The following CNTNAP5 variants were observed in gnomAD, a reference collection of about 807,000 sequenced individuals.
CNTNAP5 encodes contactin-associated protein-like 5.
A neutral mutation model predicts 150.2 loss-of-function variants in CNTNAP5; 72 were observed. The ratio of observed to expected loss-of-function variants is 0.48; its 90% CI spans 0.40 to 0.58. CNTNAP5 has a LOEUF of 0.58. Ranked by LOEUF, CNTNAP5 falls within the 20% of genes least tolerant of loss-of-function variation. The pLI, the probability that CNTNAP5 is intolerant of heterozygous loss-of-function variation, is 0.00. For missense variants in CNTNAP5, 1,636 were observed against 1,626.2 expected, an observed-to-expected ratio of 1.01 and a Z score of -0.10; for synonymous variants, 672 against 619.8, an observed-to-expected ratio of 1.08 and a Z score of -1.25.
chr2:124,033,570 A>G (rs1455861992), intron 1 of CNTNAP5, among the ~76,000 whole-genome samples: 2 of 152,204 alleles, frequency 1.3e-5, no homozygotes, highest in African/African-American at 4.8e-5. Context: ...GATGTACGAT[A>G]AAAGGGTAAG....
At chr2:124,509,275 A>C (rs1373437936) in intron 8 of CNTNAP5, among the ~76,000 whole-genome samples, 2 of 152,240 alleles carry the variant, frequency 1.3e-5, no homozygotes, top group African/African-American at 2.4e-5. Context: ...AATAGAAGGC[A>C]TCTGAATTTA....
chr2:124,532,754 T>A (rs1253424343), intron 10 of CNTNAP5, among the ~76,000 whole-genome samples: 1 of 152,112 alleles, frequency 6.6e-6, no homozygotes, highest in Non-Finnish European at 1.5e-5. Context: ...TTTTGCAAAA[T>A]CAGGATCACA....
intron 12 of CNTNAP5, among the ~76,000 whole-genome samples, chr2:124,644,293 C>A (rs945313486): frequency 6.6e-6 from 1 of 152,192 alleles, no homozygotes. Context: ...CTTTCAGTGG[C>A]ATTAACACCT....
At chr2:124,742,796 GACA>G (rs1313980744) in intron 13 of CNTNAP5, among the ~76,000 whole-genome samples, 1 of 152,014 alleles carries the variant, frequency 6.6e-6, no homozygotes, top group African/African-American at 2.4e-5. Flanking sequence ...AGAGGACCTT[GACA>G]ACTCCCTAAG....
At chr2:124,426,578 G>C (rs577913727) in intron 4 of CNTNAP5, among the ~76,000 whole-genome samples, 1 of 152,208 alleles carries the variant, frequency 6.6e-6, no homozygotes, top group African/African-American at 2.4e-5. Context: ...AGGGTGAATC[G>C]ATAGCTTCTC....
At chr2:124,684,768 A>G (rs1164534279) in intron 13 of CNTNAP5, among the ~76,000 whole-genome samples, 1 of 152,216 alleles carries the variant, frequency 6.6e-6, no homozygotes, top group Non-Finnish European at 1.5e-5. Context: ...GGAGATCTAC[A>G]TATAGCATGC....
intron 22 of CNTNAP5, among the ~76,000 whole-genome samples, chr2:124,904,061 AAAAC>A (rs1242751022): frequency 4.1e-5 from 6 of 146,896 alleles, no homozygotes; most frequent in African/African-American, 1.1e-4. Flanking sequence ...TTCAAAAAAA[AAAAC>A]AAAAAAAAAA....
intron 1 of CNTNAP5, among the ~76,000 whole-genome samples, chr2:124,173,049 G>C (rs910681925): frequency 1.3e-5 from 2 of 151,942 alleles, no homozygotes; most frequent in Admixed American, 1.3e-4. Flanking sequence ...AACTGTTATG[G>C]TGACCTGTGA....
intron 3 of CNTNAP5, among the ~76,000 whole-genome samples, chr2:124,403,852 C>A (rs373447120): frequency 1.3e-4 from 20 of 152,248 alleles, no homozygotes; most frequent in African/African-American, 4.6e-4. Context: ...CTAAGAAGGA[C>A]CAAACGCACG....
At chr2:124,686,306 C>T (rs1205136853) in intron 13 of CNTNAP5, among the ~76,000 whole-genome samples, 1 of 152,002 alleles carries the variant, frequency 6.6e-6, no homozygotes, top group Non-Finnish European at 1.5e-5. Flanking sequence ...GTAAAGAAGG[C>T]AGCATGATCT....
rs10179032 is a variant in CNTNAP5, at chr2:124,609,541, G to A, written c.1757-260G>A. Among the ~76,000 whole-genome samples, 252 of 152,146 alleles carry A rather than the reference G, an allele frequency of 1.7e-3. 1 individual carries two copies. The highest frequency in any genetic ancestry group is 5.9e-3 in the African/African-American group (243 of 41,496). The stretch of plus-strand genomic sequence containing the variant: ...TGGGAGTTTGAGGCTGCAATGTGCC[G>A]TGAGCCGTGATCGTGCTACTGCAGT... On this transcript the variant is annotated intron_variant, in intron 11 of 23. Transcript: ENST00000682447.
rs572749381 is a variant in CNTNAP5 at position 124,543,359 on chromosome 2, T to C, written c.1649+15903T>C. Among the ~76,000 whole-genome samples, 15 of 152,062 alleles carry C rather than the reference T, an allele frequency of 9.9e-5. No individual in the cohort carries two copies. The South Asian group carries it at 2.9e-3, about 29-fold the overall frequency. ...GTAATAGAAGGCAGCTCCAGAGAAA[T>C]AGACAAAATGTCTTTGGTGATTGTT... is the stretch of plus-strand genomic sequence containing the variant. On this transcript the variant is annotated intron_variant, in intron 10 of 23. Transcript: ENST00000682447.
At chr2:124,416,489 T>G (rs919220787) in intron 3 of CNTNAP5, among the ~76,000 whole-genome samples, 2 of 152,190 alleles carry the variant, frequency 1.3e-5, no homozygotes, top group African/African-American at 4.8e-5. Context: ...CTGTGTATTC[T>G]TTTGCTTAAA....
intron 1 of CNTNAP5, among the ~76,000 whole-genome samples, chr2:124,110,093 A>G (rs1356614578): frequency 2.0e-5 from 3 of 152,160 alleles, no homozygotes; most frequent in African/African-American, 7.2e-5. Flanking sequence ...TGGGGTATTT[A>G]CTTGCTTCAG....
intron 12 of CNTNAP5, among the ~76,000 whole-genome samples, chr2:124,633,020 G>A (rs1677896776): frequency 1.3e-5 from 2 of 152,090 alleles, no homozygotes; most frequent in South Asian, 4.1e-4. Flanking sequence ...CCATGATCCA[G>A]TCACTTCCCA....
intron 1 of CNTNAP5, among the ~76,000 whole-genome samples, chr2:124,160,431 C>T (rs1684648835): frequency 6.6e-6 from 1 of 151,962 alleles, no homozygotes; most frequent in Non-Finnish European, 1.5e-5. Context: ...ATCAGATCAA[C>T]AGTCGGAGTC....
At chr2:124,132,159 C>T (rs1031221719) in intron 1 of CNTNAP5, among the ~76,000 whole-genome samples, 2 of 152,076 alleles carry the variant, frequency 1.3e-5, no homozygotes, top group Non-Finnish European at 1.5e-5. Flanking sequence ...TTCATAAGGG[C>T]CCATTTTCAG....
intron 19 of CNTNAP5, among the ~76,000 whole-genome samples, chr2:124,820,391 G>T (rs944530057): frequency 1.5e-4 from 23 of 151,794 alleles, no homozygotes; most frequent in African/African-American, 5.3e-4. Flanking sequence ...AATTTGATCT[G>T]TGACCCAGAA....
intron 3 of CNTNAP5, among the ~76,000 whole-genome samples, chr2:124,276,763 A>G (rs994879007): frequency 6.6e-6 from 1 of 152,192 alleles, no homozygotes; most frequent in African/African-American, 2.4e-5. Context: ...ACACATTTAA[A>G]GACTATTATA....
Sources: gnomAD v4.1 joint callset for allele counts (sites outside exome capture counted in the v4.1 genomes callset) on GRCh38, gnomAD v4.1.1 for gene constraint, MANE v1.5 for transcripts, NCBI Gene and HGNC (gene_info 2026-07-23, HGNC 2026-07-21) for gene names.